Variants in PARVB observed in about 807,000 individuals in gnomAD.
PARVB encodes the protein beta-parvin.
Under a neutral mutation model 47.0 loss-of-function variants are expected in PARVB, and 46 were observed. That is an observed-to-expected ratio of 0.98 (90% confidence interval 0.77 to 1.25). The LOEUF (loss-of-function observed/expected upper bound fraction) is 1.25. Ranked by LOEUF, PARVB falls within the 50% of genes most tolerant of loss-of-function variation. The probability of loss-of-function intolerance (pLI) is 0.00; values close to 1 mark genes in which losing one functional copy is unlikely to be tolerated. For missense variants in PARVB, 473 were observed against 471.6 expected, an observed-to-expected ratio of 1.00 and a Z score of -0.03; for synonymous variants, 196 against 196.3, an observed-to-expected ratio of 1.00 and a Z score of 0.01.
At chr22:44,106,954 A>G (rs552569416) in intron 3 of PARVB, 32 of 152,374 alleles carry the variant, frequency 2.1e-4, no homozygotes, top group African/African-American at 7.7e-4. Context: ...CTGGATTTAA[A>G]TCCCAACTCA....
intron 8 of PARVB, 122 bp downstream of exon 8, chr22:44,140,265 T>C (rs1601667968): frequency 2.1e-6 from 2 of 973,912 alleles, no homozygotes; most frequent in East Asian, 4.8e-5. Context: ...ACTGCCCCCA[T>C]AGTTCTGGAA....
intron 1 of PARVB, among the ~76,000 whole-genome samples, chr22:44,052,854 G>T (rs1383769362): frequency 6.6e-6 from 1 of 152,144 alleles, no homozygotes; most frequent in Non-Finnish European, 1.5e-5. Flanking sequence ...GAGGTGGGAA[G>T]ATCCCTTGAG....
intron 1 of PARVB, among the ~76,000 whole-genome samples, chr22:44,037,179 CA>C (rs997327426): frequency 6.6e-6 from 1 of 151,806 alleles, no homozygotes; most frequent in African/African-American, 2.4e-5. Flanking sequence ...AAAACAACAA[CA>C]AAAAAAGAAA....
At chr22:44,141,549 C>T (rs1460235154) in intron 8 of PARVB, 1 of 152,204 alleles carries the variant, frequency 6.6e-6, no homozygotes, top group African/African-American at 2.4e-5. Flanking sequence ...GGGTGGTCTG[C>T]CTTTTCCAGT....
chr22:44,069,496 G>A (rs1281817811), intron 1 of PARVB, among the ~76,000 whole-genome samples: 2 of 151,960 alleles, frequency 1.3e-5, no homozygotes, highest in Non-Finnish European at 2.9e-5. Flanking sequence ...TTTTCATAGG[G>A]GTACCTGATA....
At chr22:44,140,505 T>G (rs752013194) in intron 8 of PARVB, 9 of 589,992 alleles carry the variant, frequency 1.5e-5, no homozygotes, top group South Asian at 1.2e-4. Context: ...TGGAGCGTCG[T>G]TAGCTGGCTG....
rs539649428 is a variant in PARVB, at chr22:44,147,663, TC to T, written c.713-197del. 1.3e-3 allele frequency: 962 copies of T among 747,136 alleles called. 4 individuals are homozygous for T. In the African/African-American group the frequency reaches 0.015, roughly 12 times the overall value. 46.3% of individuals were successfully genotyped at this position (747,136 alleles called of 1,614,324 possible). ...CGCTGTTCTGGTTGTTCCCAAGCGC[TC>T]TTGCTCGCCTTGGTTTGGCCGGGAC... On this transcript the variant is annotated intron_variant, in intron 8 of 12. Transcript: ENST00000338758.
At chr22:44,029,880 A>G (rs920799449) in intron 1 of PARVB, among the ~76,000 whole-genome samples, 1 of 151,798 alleles carries the variant, frequency 6.6e-6, no homozygotes, top group Admixed American at 6.6e-5. Flanking sequence ...ACTGCACTCC[A>G]GCCTGGGAGA....
intron 1 of PARVB, among the ~76,000 whole-genome samples, chr22:44,052,288 C>T (rs752852693): frequency 1.8e-4 from 28 of 152,224 alleles, no homozygotes; most frequent in African/African-American, 6.0e-4. Flanking sequence ...CCCTGAGAGG[C>T]GGTGTGAATG....
chr22:44,141,000 C>T (rs2053540504), intron 8 of PARVB: 1 of 166,136 alleles, frequency 6.0e-6, no homozygotes, highest in Admixed American at 5.7e-5. Flanking sequence ...CCCTGTTCTC[C>T]AGTGAGCAGG....
At chr22:44,119,945 A>G (rs961021447) in intron 4 of PARVB, 3 of 462,998 alleles carry the variant, frequency 6.5e-6, no homozygotes, top group African/African-American at 4.0e-5. Flanking sequence ...GAGTTCGCAG[A>G]TGATGCATGA....
intron 4 of PARVB, among the ~76,000 whole-genome samples, chr22:44,130,523 G>T (rs2053285362): frequency 6.6e-6 from 1 of 152,186 alleles, no homozygotes; most frequent in Non-Finnish European, 1.5e-5. Flanking sequence ...CCTCCGGATT[G>T]TTTCCTGTTC....
At chr22:44,024,510 G>C (rs1603424173) in intron 1 of PARVB, 59 bp downstream of exon 1, 4 of 922,508 alleles carry the variant, frequency 4.3e-6, no homozygotes, top group African/African-American at 1.8e-5. Context: ...GCCCGCCCTC[G>C]GCCCTAGAGC....
At chr22:44,106,409 C>T (rs2052569853) in intron 3 of PARVB, 1 of 152,162 alleles carries the variant, frequency 6.6e-6, no homozygotes, top group Non-Finnish European at 1.5e-5. Flanking sequence ...TGGATTACAT[C>T]TAAGTAGGCC....
rs552351667 is a variant in PARVB at position 44,046,040 on chromosome 22, A to C, written c.112+21589A>C. Among the ~76,000 whole-genome samples, 9 of 152,374 alleles carry C rather than the reference A, an allele frequency of 5.9e-5. No homozygotes were observed. In the South Asian group the frequency reaches 1.7e-3, roughly 28 times the overall value. ...TTAACAACACGAAGTCTGCCAGTCC[A>C]TGAACATAGGATGTCTTTCCACTTC... On this transcript the variant is annotated intron_variant, in intron 1 of 12. Transcript: ENST00000338758.
rs1331023358 is a variant in PARVB at position 44,119,179 on chromosome 22, C to G, written c.376+39C>G. 3 of 1,385,064 alleles carry G rather than the reference C, an allele frequency of 2.2e-6. No homozygotes were observed. In the African/African-American group the frequency reaches 4.3e-5, roughly 20 times the overall value. 85.8% of individuals were successfully genotyped at this position (1,385,064 alleles called of 1,614,324 possible). A position where few individuals can be genotyped will look rare whatever the true frequency, so the allele number is the denominator to read the frequency against. On this transcript the variant is annotated intron_variant, in intron 4 of 12. Transcript: ENST00000338758. ...AGGGACAGCTCTGTCCCACCCCCAT[C>G]TCCCTGCAGCGGCCCTGGGCTGGGC...
rs2054270613 is a variant in PARVB, at chr22:44,171,661, C to T, written c.*2983C>T. 6 of 151,944 alleles carry T rather than the reference C, an allele frequency of 3.9e-5. No homozygotes were observed. Among genetic ancestry groups the T allele is most frequent in the Admixed American group, 3.9e-4 (6 of 15,242 alleles). 9.4% of individuals were successfully genotyped at this position (151,944 alleles called of 1,614,324 possible). ...TCCTGGCGGCCCCCATCTAGTAAAC[C>T]AGTAAACCCATGCCTATCCTCATGC... On this transcript the variant is annotated 3_prime_UTR_variant, in exon 13 of 13. Transcript: ENST00000338758.
chr22:44,081,625 T>C (rs2051902159), intron 1 of PARVB: 2 of 985,180 alleles, frequency 2.0e-6, no homozygotes, highest in South Asian at 9.4e-5. Context: ...CTTTATGAAG[T>C]GCGTTTCTCT....
intron 1 of PARVB, among the ~76,000 whole-genome samples, chr22:44,087,846 G>GGTT (rs71313380): frequency 8.2e-6 from 1 of 121,290 alleles, no homozygotes; most frequent in African/African-American, 3.3e-5. Context: ...GAACGATGGT[G>GGTT]TTTTTTTTTT....
Sources: allele counts gnomAD v4.1 joint callset (sites outside exome capture counted in the v4.1 genomes callset), GRCh38; gene constraint gnomAD v4.1.1; transcripts MANE v1.5; gene names NCBI Gene and HGNC (gene_info 2026-07-23, HGNC 2026-07-21).